The following RBFOX1 variants were observed in gnomAD, a reference collection of about 807,000 sequenced individuals.
RBFOX1 encodes RNA binding fox-1 homolog 1, also known as RNA binding protein fox-1 homolog 1.
RBFOX1 carries 8 observed loss-of-function variants against 57.7 expected under a neutral mutation model. The observed-to-expected ratio is 0.14, with a 90% CI of 0.08 to 0.25. The LOEUF is 0.25. Ranked by LOEUF, RBFOX1 falls within the 10% of genes least tolerant of loss-of-function variation. RBFOX1 has a pLI of 1.00. For missense variants in RBFOX1, 611 were observed against 548.5 expected (o/e 1.11, Z -1.14); for synonymous variants, 326 against 222.4 (o/e 1.47, Z -4.15).
At chr16:6,991,241 A>C (rs577902560) in intron 3 of RBFOX1, among the ~76,000 whole-genome samples, 3 of 151,398 alleles carry the variant, frequency 2.0e-5, no homozygotes, top group African/African-American at 7.3e-5. Context: ...CAGAGGTTGC[A>C]GTGAGTTGAG....
intron 3 of RBFOX1, among the ~76,000 whole-genome samples, chr16:6,959,506 T>C (rs2082518770): frequency 6.6e-6 from 1 of 151,136 alleles, no homozygotes; most frequent in Admixed American, 6.6e-5. Flanking sequence ...TTATTTTTTA[T>C]TTTTTACCCT....
chr16:6,861,876 C>G (rs895566835), intron 3 of RBFOX1, among the ~76,000 whole-genome samples: 3 of 116,448 alleles, frequency 2.6e-5, no homozygotes, highest in African/African-American at 6.8e-5. Context: ...TGCACTTTCT[C>G]CCTGCCCAGA....
At chr16:6,995,288 C>G (rs1227640749) in intron 3 of RBFOX1, among the ~76,000 whole-genome samples, 1 of 75,410 alleles carries the variant, frequency 1.3e-5, no homozygotes, top group East Asian at 7.0e-4. Flanking sequence ...CTGAAAGTAG[C>G]CTTGTGTGTG....
chr16:7,302,143 A>C (rs1603599723), intron 4 of RBFOX1, among the ~76,000 whole-genome samples: 1 of 152,096 alleles, frequency 6.6e-6, no homozygotes, highest in Admixed American at 6.5e-5. Context: ...TAAACATGCT[A>C]CTGTGTCCCT....
chr16:5,890,118 C>T (rs948175325), intron 4 of RBFOX1, among the ~76,000 whole-genome samples: 3 of 152,140 alleles, frequency 2.0e-5, no homozygotes, highest in African/African-American at 7.2e-5. Context: ...TTTGCTTGGT[C>T]ATGGAGGGAG....
intron 3 of RBFOX1, among the ~76,000 whole-genome samples, chr16:6,679,097 G>C (rs1310763118): frequency 6.6e-6 from 1 of 152,092 alleles, no homozygotes; most frequent in East Asian, 1.9e-4. Context: ...GAGAGGGCAA[G>C]CAAGCTTTCA....
At chr16:6,973,212 G>T (rs371127872) in intron 3 of RBFOX1, among the ~76,000 whole-genome samples, 3 of 151,938 alleles carry the variant, frequency 2.0e-5, no homozygotes, top group Non-Finnish European at 4.4e-5. Flanking sequence ...GGGCGGGGTT[G>T]GAGGATATCA....
At chr16:5,864,704 G>T (rs1323002856) in intron 3 of RBFOX1, among the ~76,000 whole-genome samples, 1 of 152,078 alleles carries the variant, frequency 6.6e-6, no homozygotes, top group Non-Finnish European at 1.5e-5. Flanking sequence ...TAATTGACTT[G>T]GCTTAAAAGA....
At chr16:7,375,719 A>C (rs565866392) in intron 4 of RBFOX1, among the ~76,000 whole-genome samples, 42 of 152,260 alleles carry the variant, frequency 2.8e-4, no homozygotes, top group African/African-American at 9.1e-4. Flanking sequence ...CCTTGCCTAT[A>C]AATAAATACA....
At chr16:5,376,239 G>A (rs2065979709) in intron 1 of RBFOX1, among the ~76,000 whole-genome samples, 2 of 152,100 alleles carry the variant, frequency 1.3e-5, no homozygotes, top group African/African-American at 2.4e-5. Context: ...GGCAGTGCTG[G>A]AGCCCAGACG....
intron 4 of RBFOX1, among the ~76,000 whole-genome samples, chr16:5,976,879 A>G (rs535277135): frequency 5.9e-5 from 9 of 152,280 alleles, no homozygotes; most frequent in Middle Eastern, 3.4e-3. Flanking sequence ...TCAATGTATC[A>G]ATAAGGTCTT....
chr16:7,268,038 C>G (rs995409286), intron 4 of RBFOX1, among the ~76,000 whole-genome samples: 1 of 152,148 alleles, frequency 6.6e-6, no homozygotes, highest in Non-Finnish European at 1.5e-5. Flanking sequence ...TACGACACAT[C>G]TAGGCTAGGT....
At chr16:7,105,288 A>T (rs2063376183) in intron 4 of RBFOX1, among the ~76,000 whole-genome samples, 1 of 138,198 alleles carries the variant, frequency 7.2e-6, no homozygotes, top group African/African-American at 2.7e-5. Context: ...ATATGGTCTG[A>T]TTTTTTTTTT....
intron 3 of RBFOX1, among the ~76,000 whole-genome samples, chr16:6,788,010 G>A (rs1228223668): frequency 1.3e-5 from 2 of 152,106 alleles, no homozygotes; most frequent in Non-Finnish European, 2.9e-5. Flanking sequence ...ACCGCTTGAG[G>A]TCAGGAGTTC....
intron 4 of RBFOX1, among the ~76,000 whole-genome samples, chr16:7,469,396 A>G (rs888121089): frequency 6.6e-6 from 1 of 152,088 alleles, no homozygotes; most frequent in African/African-American, 2.4e-5. Flanking sequence ...TAAACCTATG[A>G]GGCTATGTTT....
At chr16:7,312,784 C>T (rs1340725372) in intron 4 of RBFOX1, among the ~76,000 whole-genome samples, 1 of 152,150 alleles carries the variant, frequency 6.6e-6, no homozygotes, top group African/African-American at 2.4e-5. Context: ...CCATTCAGAA[C>T]GTCATTATTC....
At chr16:7,345,683 C>T (rs1045353790) in intron 4 of RBFOX1, among the ~76,000 whole-genome samples, 2 of 152,116 alleles carry the variant, frequency 1.3e-5, no homozygotes, top group African/African-American at 4.8e-5. Context: ...GTGATGGAGC[C>T]GTCTGGGGAT....
intron 3 of RBFOX1, among the ~76,000 whole-genome samples, chr16:5,613,387 A>G (rs1156586279): frequency 6.6e-6 from 1 of 152,158 alleles, no homozygotes; most frequent in East Asian, 1.9e-4. Flanking sequence ...CGTGGGTGCA[A>G]CGTTACCCTC....
chr16:6,847,316 G>A (rs2093808901), intron 3 of RBFOX1, among the ~76,000 whole-genome samples: 4 of 152,148 alleles, frequency 2.6e-5, no homozygotes, highest in Admixed American at 1.3e-4. Context: ...TCTGCTTCAT[G>A]CTATGGGTCC....
Sources: allele counts gnomAD v4.1 joint callset (sites outside exome capture counted in the v4.1 genomes callset), GRCh38; gene constraint gnomAD v4.1.1; transcripts MANE v1.5; gene names NCBI Gene and HGNC (gene_info 2026-07-23, HGNC 2026-07-21).